Variants in ARID1B observed in about 807,000 individuals in gnomAD.
ARID1B encodes the protein AT-rich interaction domain 1B.
In ARID1B, 30 loss-of-function variants were observed where a neutral mutation model predicts 212.3. The observed-to-expected ratio is 0.14, with a 90% CI of 0.11 to 0.19. ARID1B has a LOEUF of 0.19. ARID1B is among the 10% of genes least tolerant of loss of function. The probability of loss-of-function intolerance (pLI) is 1.00; values close to 1 mark genes in which losing one functional copy is unlikely to be tolerated. For synonymous variants in ARID1B, 1,402 were observed against 1,301.7 expected (o/e 1.08, Z -1.66); for missense variants, 2,891 against 3,204.0 (o/e 0.90, Z 2.36).
Position 156,777,830 on chromosome 6 carries a change from GGCGGCGGCA to G in ARID1B, c.151_159del (p.Ala51_Ala53del). ...CGGGGGCGCGCGGCGCGGCGGCGGCGGCGGCGGCACCGGGACCCATGCTGGGGGGCGGCG... is the reference window on the plus strand; with the variant it reads ...CGGGGGCGCGCGGCGCGGCGGCGGCGCCGGGACCCATGCTGGGGGGCGGCG... On this transcript the variant is annotated inframe_deletion, in exon 1 of 20. Transcript: ENST00000636930. The G allele has an allele frequency of 4.5e-6, 5 of 1,112,762 alleles. No homozygotes were observed. The highest frequency in any genetic ancestry group is 5.5e-6 in the Non-Finnish European group (5 of 910,686). The allele number at this position is 1,112,762 out of a possible 1,614,324, so 68.9% of individuals were successfully genotyped here. A position where few individuals can be genotyped will look rare whatever the true frequency, so the allele number is the denominator to read the frequency against.
intron 2 of ARID1B, among the ~76,000 whole-genome samples, chr6:156,887,519 T>C (rs1157039592): frequency 1.3e-5 from 2 of 152,234 alleles, no homozygotes; most frequent in Non-Finnish European, 2.9e-5. Flanking sequence ...TTAGACTGTA[T>C]CTTTTTAAAG....
intron 4 of ARID1B, among the ~76,000 whole-genome samples, chr6:157,019,817 G>A (rs912847029): frequency 2.0e-5 from 3 of 152,086 alleles, no homozygotes; most frequent in Non-Finnish European, 4.4e-5. Flanking sequence ...GGTCACCTCC[G>A]CGGATATACC....
chr6:157,074,876 CT>C (rs201111673), intron 4 of ARID1B, among the ~76,000 whole-genome samples: 1,731 of 152,180 alleles, frequency 0.011, 33 homozygotes, highest in African/African-American at 0.04. Context: ...AAGAATGGCT[CT>C]TGTGGAGAGG....
At chr6:157,078,475 T>A (rs1784441875) in intron 4 of ARID1B, among the ~76,000 whole-genome samples, 1 of 152,268 alleles carries the variant, frequency 6.6e-6, no homozygotes, top group Non-Finnish European at 1.5e-5. Context: ...CTAGTCTACG[T>A]AACTCCTGAG....
intron 4 of ARID1B, among the ~76,000 whole-genome samples, chr6:157,062,803 A>C (rs1465120650): frequency 6.6e-6 from 1 of 151,154 alleles, no homozygotes; most frequent in African/African-American, 2.4e-5. Flanking sequence ...TCCTGGGTTC[A>C]AGCTATTCTC....
intron 2 of ARID1B, among the ~76,000 whole-genome samples, chr6:156,896,677 G>A (rs535484706): frequency 6.6e-6 from 1 of 150,740 alleles, no homozygotes. Flanking sequence ...TCAAGAGATC[G>A]ATACCATCCT....
chr6:157,136,229 A>G (rs1788899244), intron 7 of ARID1B, among the ~76,000 whole-genome samples: 3 of 152,346 alleles, frequency 2.0e-5, no homozygotes, highest in Middle Eastern at 6.8e-3. Context: ...TGGTCAAGCC[A>G]GGATCCAAAC....
chr6:156,997,841 C>T (rs556705594), intron 4 of ARID1B, among the ~76,000 whole-genome samples: 2 of 152,200 alleles, frequency 1.3e-5, no homozygotes, highest in African/African-American at 4.8e-5. Context: ...GAAAGATTTA[C>T]TGGAAGACTG....
At chr6:157,030,432 G>C (rs769542399) in intron 4 of ARID1B, 3 of 152,214 alleles carry the variant, frequency 2.0e-5, no homozygotes, top group Admixed American at 6.5e-5. Flanking sequence ...ACCTTGGGTG[G>C]AAGAGGCTAT....
intron 1 of ARID1B, among the ~76,000 whole-genome samples, chr6:156,805,785 C>T (rs1352385325): frequency 6.6e-6 from 1 of 152,206 alleles, no homozygotes; most frequent in African/African-American, 2.4e-5. Context: ...AGGTGATCCT[C>T]CCATCTCAGC....
intron 2 of ARID1B, among the ~76,000 whole-genome samples, chr6:156,856,700 TCACACACACACA>T (rs141705209): frequency 0.22 from 24,941 of 114,436 alleles, 2,588 homozygotes; most frequent in Non-Finnish European, 0.24. Flanking sequence ...TCTCTCTCTC[TCACACACACACA>T]CACACACACA....
chr6:157,056,852 C>CT (rs140342301), intron 4 of ARID1B, among the ~76,000 whole-genome samples: 42,594 of 149,048 alleles, frequency 0.29, 6,281 homozygotes, highest in Non-Finnish European at 0.32. Flanking sequence ...CTTTTTTTAA[C>CT]TTTTTTTGTT....
At position 156,779,112 on chromosome 6, in the gene ARID1B, G is replaced by A. The variant is rs773467188; in HGVS notation, c.1432G>A (p.Ala478Thr). 2.4e-4 allele frequency: 294 copies of A among 1,234,996 alleles called. No homozygotes were observed. Among genetic ancestry groups the A allele is most frequent in the Non-Finnish European group, 2.9e-4 (290 of 989,726 alleles). The allele number at this position is 1,234,996 out of a possible 1,614,324, so 76.5% of individuals were successfully genotyped here. A position where few individuals can be genotyped will look rare whatever the true frequency, so the allele number is the denominator to read the frequency against. Reference sequence around the variant, plus strand: ...GGCCGCGAGCCTCAGCAAGGCGGCCGCCGGCTCGGCGGCGGGGGGCTTCCA... The same window carrying A: ...GGCCGCGAGCCTCAGCAAGGCGGCCACCGGCTCGGCGGCGGGGGGCTTCCA... ...GGAASLSKAA[A>T]GSAAGGFQRF... The change falls in exon 1 of 20, where the codon GCC becomes ACC. Residue 478 changes from alanine to threonine, a missense_variant. Ala to Thr is a moderately conservative substitution (Grantham distance 58). This residue lies in a region of ARID1B where 1,643 missense variants were observed against 1,544.0 expected (regional missense o/e 1.06). Coordinates refer to ENST00000636930, the MANE Select transcript of ARID1B (RefSeq NM_001374828.1).
chr6:156,912,254 CTTTT>C (rs34051264), intron 3 of ARID1B, among the ~76,000 whole-genome samples: 15 of 126,608 alleles, frequency 1.2e-4, no homozygotes, highest in African/African-American at 2.8e-4. Context: ...AATCAAACCT[CTTTT>C]TTTTTTTTTT....
chr6:157,110,381 A>G, intron 5 of ARID1B, 91 bp from the exon 6 acceptor site: 1 of 1,123,568 alleles, frequency 8.9e-7, no homozygotes, highest in South Asian at 1.3e-5. Flanking sequence ...GTGATCATAA[A>G]AATTAAATGT....
intron 6 of ARID1B, among the ~76,000 whole-genome samples, chr6:157,128,963 C>T (rs1788345733): frequency 1.3e-5 from 2 of 152,184 alleles, no homozygotes. Context: ...ATAATCTGTA[C>T]ACAGTTACCC....
intron 3 of ARID1B, among the ~76,000 whole-genome samples, chr6:156,907,532 C>A (rs1365826665): frequency 6.6e-6 from 1 of 152,040 alleles, no homozygotes; most frequent in East Asian, 1.9e-4. Context: ...TTTTAGGTTT[C>A]TTGAATCAGA....
At chr6:156,921,003 GTAATTAAT>G (rs1334703270) in intron 3 of ARID1B, among the ~76,000 whole-genome samples, 2 of 151,892 alleles carry the variant, frequency 1.3e-5, no homozygotes, top group Non-Finnish European at 2.9e-5. Flanking sequence ...ATTACAGGCA[GTAATTAAT>G]TAATTAATTA....
intron 4 of ARID1B, among the ~76,000 whole-genome samples, chr6:156,946,244 C>T (rs541798129): frequency 4.0e-5 from 6 of 150,982 alleles, no homozygotes; most frequent in South Asian, 4.2e-4. Context: ...TGGCAGTGCA[C>T]GCCTGTTATC....
Sources: gnomAD v4.1 joint callset for allele counts (sites outside exome capture counted in the v4.1 genomes callset) on GRCh38, gnomAD v4.1.1 for gene constraint, gnomAD v4.1.1 regional missense constraint, MANE v1.5 for transcripts, NCBI Gene and HGNC (gene_info 2026-07-23, HGNC 2026-07-21) for gene names.